The following PREX2 variants were observed in gnomAD, a reference collection of about 807,000 sequenced individuals.
PREX2 encodes the protein phosphatidylinositol-3,4,5-trisphosphate dependent Rac exchange factor 2.
PREX2 carries 107 observed loss-of-function variants against 203.2 expected under a neutral mutation model. That is an observed-to-expected ratio of 0.53 (90% CI 0.45 to 0.62). The LOEUF (loss-of-function observed/expected upper bound fraction) is 0.62. Among genes scored for constraint, PREX2 ranks in the 20% least tolerant of loss-of-function variants. PREX2 has a pLI of 0.00. For missense variants in PREX2, 1,777 were observed against 1,955.9 expected, an observed-to-expected ratio of 0.91 and a Z score of 1.72; for synonymous variants, 672 against 663.6, an observed-to-expected ratio of 1.01 and a Z score of -0.19.
intron 7 of PREX2, among the ~76,000 whole-genome samples, chr8:68,043,031 C>T (rs1293431769): frequency 2.0e-5 from 3 of 151,998 alleles, no homozygotes; most frequent in African/African-American, 7.2e-5. Flanking sequence ...TACCAACTTA[C>T]AAGAAATTCT....
intron 25 of PREX2, among the ~76,000 whole-genome samples, chr8:68,112,083 A>C (rs1251981956): frequency 6.6e-6 from 1 of 152,196 alleles, no homozygotes; most frequent in Non-Finnish European, 1.5e-5. Flanking sequence ...TTCCTTTAAC[A>C]CATAGGCATT....
chr8:68,097,326 CTTT>C (rs5892134), intron 22 of PREX2, 125 bp downstream of exon 22: 20 of 574,684 alleles, frequency 3.5e-5, no homozygotes, highest in Admixed American at 7.1e-5. Context: ...ATTCAAACTT[CTTT>C]TTTTTTTTTT....
intron 35 of PREX2, among the ~76,000 whole-genome samples, chr8:68,183,007 G>A (rs990584501): frequency 2.6e-5 from 4 of 151,828 alleles, no homozygotes; most frequent in Non-Finnish European, 5.9e-5. Context: ...GTGTGTTGGG[G>A]GAGATCAAGT....
rs181997967 is a variant in PREX2 at position 68,235,434 on chromosome 8, G to A, written c.*4056G>A. On this transcript the variant is annotated 3_prime_UTR_variant, in exon 40 of 40. Coordinates refer to ENST00000288368, the MANE Select transcript of PREX2 (RefSeq NM_024870.4). The stretch of plus-strand genomic sequence containing the variant: ...ATCACTTAAGAACTCTCTCATAGCA[G>A]TAATTTCATTAACACATATATATAC... 1.3e-5 allele frequency: 2 copies of A among 152,224 alleles called. No individual in the cohort carries two copies. Among genetic ancestry groups the A allele is most frequent in the East Asian group, 3.9e-4 (2 of 5,186 alleles). 9.4% of individuals were successfully genotyped at this position (152,224 alleles called of 1,614,324 possible).
At chr8:68,139,022 AG>A (rs1172097332) in intron 33 of PREX2, among the ~76,000 whole-genome samples, 1 of 152,196 alleles carries the variant, frequency 6.6e-6, no homozygotes, top group Non-Finnish European at 1.5e-5. Flanking sequence ...ATGTATCAAA[AG>A]CTCCTTAAAT....
intron 37 of PREX2, among the ~76,000 whole-genome samples, chr8:68,207,748 G>A (rs995646456): frequency 6.6e-6 from 1 of 152,118 alleles, no homozygotes; most frequent in Non-Finnish European, 1.5e-5. Flanking sequence ...AGGAGCTTCA[G>A]TAACTTGCCC....
intron 1 of PREX2, among the ~76,000 whole-genome samples, chr8:67,955,035 TC>T (rs1321109991): frequency 6.7e-6 from 1 of 149,250 alleles, no homozygotes; most frequent in African/African-American, 2.5e-5. Context: ...TCCCAGTTAC[TC>T]AGGAGGCTGA....
intron 1 of PREX2, among the ~76,000 whole-genome samples, chr8:67,978,199 C>G (rs1013402097): frequency 7.9e-5 from 12 of 152,038 alleles, no homozygotes; most frequent in Non-Finnish European, 1.3e-4. Flanking sequence ...AAATCTCCCC[C>G]CTCCTCTCCC....
At chr8:68,201,548 C>A (rs1306799024) in intron 37 of PREX2, among the ~76,000 whole-genome samples, 1 of 152,104 alleles carries the variant, frequency 6.6e-6, no homozygotes, top group African/African-American at 2.4e-5. Flanking sequence ...GAGGCTAAGC[C>A]AGTCTAATCT....
intron 35 of PREX2, among the ~76,000 whole-genome samples, chr8:68,171,551 A>G (rs919069561): frequency 7.2e-5 from 11 of 152,188 alleles, no homozygotes; most frequent in Middle Eastern, 3.4e-3. Flanking sequence ...ACTTACTGCC[A>G]TTTCATGTCT....
At chr8:68,162,919 CT>C (rs1306424984) in intron 35 of PREX2, among the ~76,000 whole-genome samples, 1 of 152,140 alleles carries the variant, frequency 6.6e-6, no homozygotes, top group African/African-American at 2.4e-5. Flanking sequence ...GTTTTATGAC[CT>C]TAAAATATCT....
intron 1 of PREX2, among the ~76,000 whole-genome samples, chr8:67,961,649 C>T (rs1372748165): frequency 6.6e-6 from 1 of 151,898 alleles, no homozygotes; most frequent in East Asian, 1.9e-4. Flanking sequence ...AAAAATATTC[C>T]CCCATTTTCA....
At chr8:68,021,740 A>T (rs2129610278) in intron 3 of PREX2, among the ~76,000 whole-genome samples, 2 of 152,298 alleles carry the variant, frequency 1.3e-5, no homozygotes, top group Middle Eastern at 6.8e-3. Flanking sequence ...TTTAAGCTGT[A>T]ACTGAATCCT....
Position 68,082,003 on chromosome 8 carries a change from C to T in PREX2, c.1878+1165C>T, listed in dbSNP as rs149411819. 2.0e-5 allele frequency among the ~76,000 whole-genome samples: 3 copies of T among 151,490 alleles called. No homozygotes were observed. The East Asian group carries it at 5.9e-4, about 30-fold the overall frequency. On this transcript the variant is annotated intron_variant, in intron 17 of 39. Transcript: ENST00000288368. ...TGAGACACTGCACCCAGCAACTTTA[C>T]CAGCCTTTCAAACAAAAAAAACTTC...
At chr8:68,187,746 C>A (rs1215495047) in intron 35 of PREX2, among the ~76,000 whole-genome samples, 1 of 152,080 alleles carries the variant, frequency 6.6e-6, no homozygotes, top group Non-Finnish European at 1.5e-5. Context: ...AAGCATGTAA[C>A]AAATGCTAGA....
intron 1 of PREX2, among the ~76,000 whole-genome samples, chr8:67,983,482 T>C (rs1806328460): frequency 6.6e-6 from 1 of 152,204 alleles, no homozygotes; most frequent in African/African-American, 2.4e-5. Context: ...CCTGCCTCCA[T>C]TCATTCTTGA....
chr8:68,056,357 A>G (rs572263086), intron 10 of PREX2, among the ~76,000 whole-genome samples: 2 of 152,324 alleles, frequency 1.3e-5, no homozygotes, highest in African/African-American at 2.4e-5. Context: ...AGGAAAGATA[A>G]GAGACAGTCT....
At chr8:67,952,571 G>C in intron 1 of PREX2, 36 bp downstream of exon 1, 1 of 1,591,232 alleles carries the variant, frequency 6.3e-7, no homozygotes, top group Non-Finnish European at 8.6e-7. Flanking sequence ...GGACGTCCGG[G>C]CGGCGCGGGG....
At chr8:68,130,978 A>G (rs960444538) in intron 31 of PREX2, among the ~76,000 whole-genome samples, 2 of 152,246 alleles carry the variant, frequency 1.3e-5, no homozygotes, top group African/African-American at 4.8e-5. Context: ...GAGGAGAAGG[A>G]CAAGGGCATG....
Sources: gnomAD v4.1 joint callset for allele counts (sites outside exome capture counted in the v4.1 genomes callset) on GRCh38, gnomAD v4.1.1 for gene constraint, MANE v1.5 for transcripts, NCBI Gene and HGNC (gene_info 2026-07-23, HGNC 2026-07-21) for gene names.